TENM1: variants seen among roughly 807,000 people sequenced by gnomAD.
TENM1 encodes the protein teneurin-1.
Under a neutral mutation model 174.8 loss-of-function variants are expected in TENM1, and 35 were observed. That is an observed-to-expected ratio of 0.20 (90% CI 0.15 to 0.27). The LOEUF is 0.27. Among genes scored for constraint, TENM1 ranks in the 10% least tolerant of loss-of-function variants. The pLI is 1.00. For synonymous variants in TENM1, 781 were observed against 798.7 expected, an observed-to-expected ratio of 0.98 and a Z score of 0.37; for missense variants, 1,633 against 2,130.1, an observed-to-expected ratio of 0.77 and a Z score of 4.59.
In TENM1 at chrX:124,697,141, A is replaced by C. The variant is rs372556288; in HGVS notation, c.1015+7872T>G. 1.3e-4 allele frequency among the ~76,000 whole-genome samples: 14 copies of C among 111,676 alleles called. No homozygotes were observed. The East Asian group carries it at 3.9e-3, about 31-fold the overall frequency. On this transcript the variant is annotated intron_variant, in intron 5 of 31. Coordinates refer to ENST00000422452, the Ensembl canonical transcript of TENM1. ...TTCCCATTGTCACATCCAACCCAATAATCAAACATTTGTGAGGCCCTTCCT... is the reference window on the plus strand; with the variant it reads ...TTCCCATTGTCACATCCAACCCAATCATCAAACATTTGTGAGGCCCTTCCT...
At chrX:124,936,738 C>T (rs753979229) in intron 1 of TENM1, among the ~76,000 whole-genome samples, 5 of 111,901 alleles carry the variant, frequency 4.5e-5, no homozygotes, top group Non-Finnish European at 9.4e-5. Flanking sequence ...AGTGCCTATT[C>T]ACAATTCTTA....
At chrX:124,461,231 G>T (rs1488926104) in intron 22 of TENM1, among the ~76,000 whole-genome samples, 2 of 111,894 alleles carry the variant, frequency 1.8e-5, no homozygotes, top group African/African-American at 6.5e-5. Context: ...TATTAAAAAA[G>T]ATAGGGAATA....
At chrX:124,837,917 A>G (rs903185830) in intron 3 of TENM1, among the ~76,000 whole-genome samples, 2 of 112,409 alleles carry the variant, frequency 1.8e-5, no homozygotes, top group Non-Finnish European at 3.8e-5. Context: ...ATGAACATGT[A>G]TTGGAAAAGC....
chrX:125,012,006 T>C, the TENM1 span, among the ~76,000 whole-genome samples: 2 of 111,186 alleles, frequency 1.8e-5, no homozygotes, highest in African/African-American at 3.3e-5. Flanking sequence ...ATGCAGCCAA[T>C]AAAAAGAATG....
At position 124,487,191 on chromosome X, in the gene TENM1, C is replaced by A; in HGVS notation, c.3716+18G>T. 8.6e-7 allele frequency: 1 copy of A among 1,163,629 alleles called. No individual in the cohort carries two copies. The highest frequency in any genetic ancestry group is 3.3e-5 in the East Asian group (1 of 30,706). ...GGCAAGAGGGGGCATTAGGTAGCTG[C>A]TGATGTGATTTGCTTACCTATGTCT... On this transcript the variant is annotated intron_variant, in intron 21 of 31. Coordinates refer to ENST00000422452, the Ensembl canonical transcript of TENM1.
At chrX:124,587,561 C>G (rs1250556540) in intron 11 of TENM1, among the ~76,000 whole-genome samples, 1 of 111,207 alleles carries the variant, frequency 9.0e-6, no homozygotes, top group African/African-American at 3.3e-5. Flanking sequence ...AAGACTTAAA[C>G]GTTAGACCTA....
rs745999859 is a variant in TENM1 at position 124,690,990 on chromosome X, CAT to C, written c.1015+14021_1015+14022del. Among the ~76,000 whole-genome samples the C allele has an allele frequency of 1.3e-4, 14 of 108,302 alleles. No homozygotes were observed. In the East Asian group the frequency reaches 1.5e-3, roughly 11 times the overall value. The allele number at this position is 108,302 out of a possible 115,157, so 94.0% of individuals were successfully genotyped here. On this transcript the variant is annotated intron_variant, in intron 5 of 31. Transcript: ENST00000422452. The stretch of plus-strand genomic sequence containing the variant: ...TATATGCAGTTTAAAAGCACAAGCT[CAT>C]ATATATATATATATCCCCAATTCTA...
intron 3 of TENM1, among the ~76,000 whole-genome samples, chrX:124,846,682 A>G (rs1394272478): frequency 1.8e-5 from 2 of 111,507 alleles, no homozygotes; most frequent in African/African-American, 6.5e-5. Flanking sequence ...ATCAAATGCC[A>G]TCTTCTGAGG....
At chrX:124,691,321 T>C (rs985088793) in intron 5 of TENM1, among the ~76,000 whole-genome samples, 1 of 110,150 alleles carries the variant, frequency 9.1e-6, no homozygotes, top group East Asian at 2.8e-4. Context: ...AAAAAGAAAA[T>C]GGAAAAAAAG....
chrX:124,771,841 A>G (rs2054660327), intron 3 of TENM1, among the ~76,000 whole-genome samples: 1 of 112,177 alleles, frequency 8.9e-6, no homozygotes, highest in East Asian at 2.8e-4. Flanking sequence ...CATATAAAAT[A>G]TTTACATTTA....
chrX:124,612,669 C>A (rs765031246), intron 11 of TENM1, among the ~76,000 whole-genome samples: 5 of 111,072 alleles, frequency 4.5e-5, no homozygotes, highest in Non-Finnish European at 9.5e-5. Flanking sequence ...TATTTTTGTT[C>A]CAGGCCTCCA....
chrX:124,544,528 G>C lies in TENM1; in HGVS notation c.2651+2346C>G, dbSNP rs16999292. Among the ~76,000 whole-genome samples the C allele has an allele frequency of 9.5e-3, 1,062 of 112,217 alleles. 20 individuals carry two copies. The highest frequency in any genetic ancestry group is 0.033 in the African/African-American group (1,006 of 30,923). The stretch of plus-strand genomic sequence containing the variant: ...CAAGGACAATTTACATGTATCAAAA[G>C]GTCCATTTCATGAGTCACTCAATTG... On this transcript the variant is annotated intron_variant, in intron 15 of 31. Transcript: ENST00000422452.
At chrX:124,940,147 C>G (rs755560256) in intron 1 of TENM1, among the ~76,000 whole-genome samples, 7 of 111,766 alleles carry the variant, frequency 6.3e-5, no homozygotes, top group Non-Finnish European at 3.8e-5. Context: ...AATCAAAGTA[C>G]ATTCTGCAGG....
chrX:124,527,814 A>ATTT (rs756753688), intron 16 of TENM1, among the ~76,000 whole-genome samples: 1,413 of 86,656 alleles, frequency 0.016, 37 homozygotes, highest in African/African-American at 0.058. Flanking sequence ...ACGCCCAGCT[A>ATTT]TTTTTTTTTT....
At chrX:124,499,704 G>A (rs1296548784) in intron 19 of TENM1, among the ~76,000 whole-genome samples, 1 of 111,748 alleles carries the variant, frequency 8.9e-6, no homozygotes, top group Non-Finnish European at 1.9e-5. Flanking sequence ...AATAAATTAG[G>A]AGGAGGTGAA....
At chrX:124,721,108 GAGA>G (rs1284963635) in intron 4 of TENM1, among the ~76,000 whole-genome samples, 2 of 111,939 alleles carry the variant, frequency 1.8e-5, no homozygotes, top group Non-Finnish European at 1.9e-5. Flanking sequence ...AAATGAGGTT[GAGA>G]AGAAGAAAGG....
At chrX:124,587,405 C>G (rs1243349281) in intron 11 of TENM1, among the ~76,000 whole-genome samples, 3 of 107,986 alleles carry the variant, frequency 2.8e-5, no homozygotes, top group African/African-American at 1.0e-4. Context: ...ACTATCTGAT[C>G]TTTGACAAAC....
chrX:124,443,042 C>CTCTG (rs1288057201), intron 23 of TENM1, among the ~76,000 whole-genome samples: 2 of 42,169 alleles, frequency 4.7e-5, no homozygotes, highest in African/African-American at 1.1e-4. Context: ...GCCTGGATGA[C>CTCTG]TATGTGTGTG....
At chrX:124,911,861 T>G (rs1347802444) in intron 1 of TENM1, among the ~76,000 whole-genome samples, 4 of 111,667 alleles carry the variant, frequency 3.6e-5, no homozygotes, top group Non-Finnish European at 7.5e-5. Context: ...GTTTACAATT[T>G]TTTTGCATAC....
Sources: allele counts gnomAD v4.1 joint callset (sites outside exome capture counted in the v4.1 genomes callset), GRCh38; gene constraint gnomAD v4.1.1; transcripts MANE v1.5; gene names NCBI Gene and HGNC (gene_info 2026-07-23, HGNC 2026-07-21).